The following GTF2IRD1 variants were observed in gnomAD, a reference collection of about 807,000 sequenced individuals.
The protein encoded by GTF2IRD1 is GTF2I repeat domain containing 1.
GTF2IRD1 carries 26 observed loss-of-function variants against 113.2 expected under a neutral mutation model. The ratio of observed to expected loss-of-function variants is 0.23; its 90% CI spans 0.17 to 0.32. The LOEUF (loss-of-function observed/expected upper bound fraction) is 0.32. Among genes scored for constraint, GTF2IRD1 ranks in the 10% least tolerant of loss-of-function variants. The pLI is 1.00. For missense variants in GTF2IRD1, 864 were observed against 1,280.8 expected (o/e 0.67, Z 4.97); for synonymous variants, 484 against 529.1 (o/e 0.91, Z 1.17).
chr7:74,560,951 A>G (rs778250074), intron 22 of GTF2IRD1, among the ~76,000 whole-genome samples: 145 of 151,952 alleles, frequency 9.5e-4, no homozygotes, highest in Non-Finnish European at 1.9e-3. Flanking sequence ...TCCCAAACCC[A>G]GATTTGCAGG....
At chr7:74,519,342 C>A in intron 5 of GTF2IRD1, 67 bp from the exon 6 acceptor site, 1 of 1,178,108 alleles carries the variant, frequency 8.5e-7, no homozygotes, top group Non-Finnish European at 1.2e-6. Context: ...GCGGGGTTTT[C>A]GGGGGAAGAG....
intron 3 of GTF2IRD1, among the ~76,000 whole-genome samples, chr7:74,515,162 G>T (rs1234763822): frequency 6.6e-6 from 1 of 152,096 alleles, no homozygotes; most frequent in Non-Finnish European, 1.5e-5. Flanking sequence ...ACAGACTGAG[G>T]CTCAGAGAGA....
At chr7:74,517,020 T>C (rs1419561341) in intron 4 of GTF2IRD1, among the ~76,000 whole-genome samples, 1 of 131,706 alleles carries the variant, frequency 7.6e-6, no homozygotes, top group Admixed American at 7.8e-5. Flanking sequence ...GTTGTTGTTG[T>C]TGTTGTTGTT....
At chr7:74,530,586 T>TAAAAAAA (rs58675988) in intron 9 of GTF2IRD1, among the ~76,000 whole-genome samples, 1 of 38,950 alleles carries the variant, frequency 2.6e-5, no homozygotes, top group African/African-American at 1.1e-4. Flanking sequence ...CCCTGTTTCT[T>TAAAAAAA]AAAAAAAAAA....
intron 9 of GTF2IRD1, among the ~76,000 whole-genome samples, chr7:74,533,133 ATT>A (rs56894912): frequency 4.6e-4 from 52 of 112,244 alleles, no homozygotes; most frequent in African/African-American, 1.4e-3. Flanking sequence ...TCCATGCATC[ATT>A]TTTTTTTTTT....
intron 22 of GTF2IRD1, chr7:74,571,189 C>A: frequency 1.2e-6 from 1 of 831,086 alleles, no homozygotes; most frequent in Non-Finnish European, 1.5e-6. Flanking sequence ...GTCAGGCTTG[C>A]CTACCTGGGC....
At chr7:74,567,462 G>A (rs1295619836) in intron 22 of GTF2IRD1, among the ~76,000 whole-genome samples, 2 of 152,152 alleles carry the variant, frequency 1.3e-5, no homozygotes, top group Admixed American at 6.6e-5. Flanking sequence ...GAGAGTAGAC[G>A]GAGGTGCTAA....
chr7:74,514,473 AG>A (rs1194265532), intron 3 of GTF2IRD1, among the ~76,000 whole-genome samples: 5 of 152,162 alleles, frequency 3.3e-5, no homozygotes, highest in Non-Finnish European at 4.4e-5. Flanking sequence ...TTATAGCACC[AG>A]GAACTCGGCT....
chr7:74,596,510 G>A (rs1178569744), intron 25 of GTF2IRD1, among the ~76,000 whole-genome samples: 2 of 151,582 alleles, frequency 1.3e-5, no homozygotes, highest in Non-Finnish European at 2.9e-5. Context: ...TGGCATGGTG[G>A]TGCACGCCTG....
intron 1 of GTF2IRD1, among the ~76,000 whole-genome samples, chr7:74,473,335 C>T (rs761848859): frequency 2.0e-5 from 3 of 152,104 alleles, no homozygotes; most frequent in Non-Finnish European, 2.9e-5. Flanking sequence ...CTGGTTTATT[C>T]TGGTATTGCT....
chr7:74,553,437 G>A (rs1554355670), intron 17 of GTF2IRD1, among the ~76,000 whole-genome samples: 3 of 152,064 alleles, frequency 2.0e-5, no homozygotes, highest in South Asian at 2.1e-4. Context: ...GCAGGGGCAC[G>A]CCACCACACC....
At chr7:74,549,928 C>T (rs1233027311) in intron 17 of GTF2IRD1, among the ~76,000 whole-genome samples, 1 of 151,946 alleles carries the variant, frequency 6.6e-6, no homozygotes, top group Non-Finnish European at 1.5e-5. Context: ...CCCAGCTACT[C>T]TGGAGGCTGA....
Position 74,544,803 on chromosome 7 carries a change from G to T in GTF2IRD1, c.1666+1G>T. 1 of 1,613,126 alleles carries T rather than the reference G, an allele frequency of 6.2e-7. No individual in the cohort carries two copies. The highest frequency in any genetic ancestry group is 8.5e-7 in the Non-Finnish European group (1 of 1,179,158). The stretch of plus-strand genomic sequence containing the variant: ...CGGCCCGAGGAGAGGCCCGTGGAGG[G>T]TGAGGCCCTGTCTACCCCTGACATT... On this transcript the variant is annotated splice_donor_variant, in intron 15 of 26. Transcript: ENST00000424337. LOFTEE classifies it high-confidence loss of function.
chr7:74,537,822 G>C lies in GTF2IRD1; in HGVS notation c.1410-314G>C, dbSNP rs368893075. Among the ~76,000 whole-genome samples, 159 of 152,318 alleles carry C rather than the reference G, an allele frequency of 1.0e-3. 3 individuals carry two copies. In the South Asian group the frequency reaches 0.032, roughly 31 times the overall value. On this transcript the variant is annotated intron_variant, in intron 11 of 26. Coordinates refer to ENST00000424337, the MANE Select transcript of GTF2IRD1 (RefSeq NM_005685.4). ...CCCACAAGCAGTGATCAAACCCCCA[G>C]TGTGCCAAGCCTAGGATCCCCAGAG... is the stretch of plus-strand genomic sequence containing the variant.
At chr7:74,454,261 G>GC (rs1333497744) in intron 1 of GTF2IRD1, 85 bp downstream of exon 1, 1 of 63,710 alleles carries the variant, frequency 1.6e-5, no homozygotes, top group African/African-American at 4.4e-5. Flanking sequence ...TCCGCCTCCG[G>GC]GGGGGGGGGT....
At chr7:74,574,256 C>T (rs1347856475) in intron 22 of GTF2IRD1, among the ~76,000 whole-genome samples, 2 of 149,990 alleles carry the variant, frequency 1.3e-5, no homozygotes, top group African/African-American at 2.5e-5. Flanking sequence ...CCTGCCTCGA[C>T]CTCCCAAAGT....
intron 22 of GTF2IRD1, among the ~76,000 whole-genome samples, chr7:74,572,733 G>C (rs1419807213): frequency 6.6e-6 from 1 of 151,950 alleles, no homozygotes; most frequent in African/African-American, 2.4e-5. Flanking sequence ...TCAAAATAAA[G>C]CCACCCTTTC....
chr7:74,594,989 G>T, intron 24 of GTF2IRD1, 25 bp from the exon 25 acceptor site: 8 of 1,575,734 alleles, frequency 5.1e-6, no homozygotes, highest in Non-Finnish European at 6.1e-6. Context: ...TTTTCTAACT[G>T]CCACCTCATT....
intron 9 of GTF2IRD1, among the ~76,000 whole-genome samples, chr7:74,534,858 G>A (rs1191514262): frequency 3.3e-5 from 5 of 152,116 alleles, no homozygotes; most frequent in Non-Finnish European, 7.4e-5. Context: ...AGCCAAGATC[G>A]CACCACTGCA....
Sources: gnomAD v4.1 joint callset for allele counts (sites outside exome capture counted in the v4.1 genomes callset) on GRCh38, gnomAD v4.1.1 for gene constraint, MANE v1.5 for transcripts, NCBI Gene and HGNC (gene_info 2026-07-23, HGNC 2026-07-21) for gene names.